The following CDK19 variants were observed in gnomAD, a reference collection of about 807,000 sequenced individuals.
The protein encoded by CDK19 is cyclin dependent kinase 19, also known as cyclin-dependent kinase 19.
In CDK19, 20 loss-of-function variants were observed where a neutral mutation model predicts 68.3. That is an observed-to-expected ratio of 0.29 (90% CI 0.21 to 0.43). The LOEUF (loss-of-function observed/expected upper bound fraction) is 0.43. Ranked by LOEUF, CDK19 falls within the 20% of genes least tolerant of loss-of-function variation. The probability of loss-of-function intolerance (pLI) is 1.00; values close to 1 mark genes in which losing one functional copy is unlikely to be tolerated. For synonymous variants in CDK19, 221 were observed against 222.8 expected (o/e 0.99, Z 0.07); for missense variants, 339 against 623.5 (o/e 0.54, Z 4.86).
chr6:110,797,094 C>A (rs1781990851), intron 1 of CDK19, among the ~76,000 whole-genome samples: 1 of 151,502 alleles, frequency 6.6e-6, no homozygotes, highest in African/African-American at 2.4e-5. Flanking sequence ...GTAATCTCAC[C>A]ACTTTGGGAG....
At chr6:110,665,929 G>A (rs1299002458) in intron 4 of CDK19, among the ~76,000 whole-genome samples, 5 of 151,756 alleles carry the variant, frequency 3.3e-5, no homozygotes, top group African/African-American at 1.2e-4. Context: ...TTTTGTTAGA[G>A]ATGGGGTTTT....
intron 2 of CDK19, among the ~76,000 whole-genome samples, chr6:110,697,373 C>T (rs1773565518): frequency 6.6e-6 from 1 of 152,042 alleles, no homozygotes; most frequent in African/African-American, 2.4e-5. Flanking sequence ...AAGAACTCAA[C>T]CCCTTTTATA....
At chr6:110,723,226 A>G (rs1776071247) in intron 2 of CDK19, among the ~76,000 whole-genome samples, 2 of 151,948 alleles carry the variant, frequency 1.3e-5, no homozygotes, top group South Asian at 2.1e-4. Context: ...GCAAGGCCAC[A>G]TGAAGGCAGT....
intron 4 of CDK19, among the ~76,000 whole-genome samples, chr6:110,663,925 C>T (rs903785588): frequency 3.9e-5 from 6 of 152,208 alleles, no homozygotes; most frequent in Non-Finnish European, 7.4e-5. Context: ...TGCTATACTA[C>T]GTAAGAACCA....
intron 2 of CDK19, among the ~76,000 whole-genome samples, chr6:110,737,493 C>T (rs533668548): frequency 2.3e-4 from 35 of 152,198 alleles, no homozygotes; most frequent in Non-Finnish European, 4.4e-4. Flanking sequence ...CACACACACA[C>T]ACATCTTCCA....
chr6:110,707,252 C>T (rs1774588806), intron 2 of CDK19, among the ~76,000 whole-genome samples: 1 of 152,030 alleles, frequency 6.6e-6, no homozygotes. Flanking sequence ...AAGAGAACCA[C>T]TGGAACCCGG....
intron 1 of CDK19, among the ~76,000 whole-genome samples, chr6:110,764,311 G>A (rs1002210391): frequency 1.3e-5 from 2 of 152,130 alleles, no homozygotes; most frequent in Non-Finnish European, 2.9e-5. Flanking sequence ...AATATTGAAG[G>A]AGAAGAACAA....
intron 4 of CDK19, among the ~76,000 whole-genome samples, chr6:110,650,275 G>A (rs1056706473): frequency 6.6e-6 from 1 of 152,110 alleles, no homozygotes; most frequent in Non-Finnish European, 1.5e-5. Context: ...CAGGATATAT[G>A]TTACCTCTTG....
In CDK19 at chr6:110,694,074, GA is replaced by G. The variant is rs778030187; in HGVS notation, c.205-23534del. Among the ~76,000 whole-genome samples, 809 of 102,922 alleles carry G rather than the reference GA, an allele frequency of 7.9e-3. 6 individuals carry two copies. Among genetic ancestry groups the G allele is most frequent in the Middle Eastern group, 0.047 (8 of 172 alleles). The allele number at this position is 102,922 out of a possible 152,430, so 67.5% of individuals were successfully genotyped here. On this transcript the variant is annotated intron_variant, in intron 2 of 12. Coordinates refer to ENST00000368911, the MANE Select transcript of CDK19 (RefSeq NM_015076.5). Reference sequence around the variant, plus strand: ...AGGGCCTACAAAACAATAACACAATGAAAAAAAAAAAAAAAACAAGGTGTTC... The same window carrying G: ...AGGGCCTACAAAACAATAACACAATGAAAAAAAAAAAAAAACAAGGTGTTC...
chr6:110,680,550 A>G (rs781380053), intron 2 of CDK19, among the ~76,000 whole-genome samples: 2 of 152,258 alleles, frequency 1.3e-5, no homozygotes, highest in African/African-American at 4.8e-5. Context: ...ACTGAAAGAA[A>G]CAAATGAACA....
At chr6:110,776,648 T>C (rs888622500) in intron 1 of CDK19, among the ~76,000 whole-genome samples, 12 of 152,186 alleles carry the variant, frequency 7.9e-5, no homozygotes, top group African/African-American at 2.7e-4. Flanking sequence ...CTCAGCTGTA[T>C]CTTCTCTTAA....
chr6:110,742,982 C>A (rs374535905), intron 2 of CDK19, among the ~76,000 whole-genome samples: 1 of 152,064 alleles, frequency 6.6e-6, no homozygotes, highest in Admixed American at 6.6e-5. Flanking sequence ...GCTGGTTTTG[C>A]GGCTCAGGGG....
chr6:110,750,999 C>G (rs1335723641), intron 1 of CDK19, among the ~76,000 whole-genome samples: 1 of 152,134 alleles, frequency 6.6e-6, no homozygotes, highest in Admixed American at 6.5e-5. Context: ...CCACGCCCAG[C>G]TAATTTTTGT....
intron 1 of CDK19, among the ~76,000 whole-genome samples, chr6:110,804,772 G>A (rs1166086089): frequency 6.6e-5 from 10 of 150,818 alleles, no homozygotes; most frequent in South Asian, 6.3e-4. Flanking sequence ...TGGCTAACAC[G>A]GTGAAACCCC....
intron 1 of CDK19, among the ~76,000 whole-genome samples, chr6:110,776,185 T>C (rs1379165540): frequency 6.6e-6 from 1 of 152,130 alleles, no homozygotes; most frequent in Non-Finnish European, 1.5e-5. Flanking sequence ...TCCCAGCATT[T>C]TGCGAGACTG....
chr6:110,685,198 C>T (rs573632272), intron 2 of CDK19, among the ~76,000 whole-genome samples: 1 of 152,150 alleles, frequency 6.6e-6, no homozygotes, highest in African/African-American at 2.4e-5. Context: ...ACATACTCTG[C>T]TTCTTAAATA....
intron 2 of CDK19, among the ~76,000 whole-genome samples, chr6:110,730,976 T>C (rs763261341): frequency 4.9e-4 from 74 of 151,744 alleles, no homozygotes; most frequent in Middle Eastern, 6.8e-3. Flanking sequence ...CATTTGAACC[T>C]GGGAGGCAGA....
chr6:110,685,187 T>A (rs1772368735), intron 2 of CDK19, among the ~76,000 whole-genome samples: 2 of 152,200 alleles, frequency 1.3e-5, no homozygotes, highest in Non-Finnish European at 2.9e-5. Context: ...CACCAAGTGC[T>A]ACATACTCTG....
At chr6:110,787,101 G>A (rs767256926) in intron 1 of CDK19, among the ~76,000 whole-genome samples, 2 of 152,178 alleles carry the variant, frequency 1.3e-5, no homozygotes, top group Non-Finnish European at 2.9e-5. Flanking sequence ...GCCAGGCGCG[G>A]TGGCTCACAC....
Sources: allele counts gnomAD v4.1 joint callset (sites outside exome capture counted in the v4.1 genomes callset), GRCh38; gene constraint gnomAD v4.1.1; transcripts MANE v1.5; gene names NCBI Gene and HGNC (gene_info 2026-07-23, HGNC 2026-07-21).